The following TNIK variants were observed in gnomAD, a reference collection of about 807,000 sequenced individuals.
The protein encoded by TNIK is TRAF2 and NCK-interacting protein kinase.
Under a neutral mutation model 191.3 loss-of-function variants are expected in TNIK, and 49 were observed. That is an observed-to-expected ratio of 0.26 (90% CI 0.20 to 0.32). TNIK has a LOEUF of 0.32. Ranked by LOEUF, TNIK falls within the 10% of genes least tolerant of loss-of-function variation. TNIK has a pLI of 1.00. For missense variants in TNIK, 1,155 were observed against 1,702.3 expected, an observed-to-expected ratio of 0.68 and a Z score of 5.66; for synonymous variants, 594 against 600.9, an observed-to-expected ratio of 0.99 and a Z score of 0.17.
chr3:171,298,106 T>C lies in TNIK; in HGVS notation c.124-69885A>G, dbSNP rs554323086. Among the ~76,000 whole-genome samples the C allele has an allele frequency of 5.3e-5, 8 of 152,330 alleles. No homozygotes were observed. The East Asian group carries it at 1.5e-3, about 29-fold the overall frequency. On this transcript the variant is annotated intron_variant, in intron 2 of 32. Transcript: ENST00000436636. ...AACACCACTTGGTTTCCATTCAATA[T>C]GAACAAGTACAAAATGATCCTTTGA...
intron 1 of TNIK, among the ~76,000 whole-genome samples, chr3:171,397,834 G>A (rs1368763552): frequency 2.0e-5 from 3 of 152,170 alleles, no homozygotes; most frequent in South Asian, 4.1e-4. Context: ...CAACATACAC[G>A]CTTTTTTTCT....
intron 2 of TNIK, among the ~76,000 whole-genome samples, chr3:171,324,049 G>T (rs573161890): frequency 1.3e-5 from 2 of 150,886 alleles, no homozygotes; most frequent in South Asian, 4.2e-4. Flanking sequence ...AAAACAAAAC[G>T]AAAACACCCT....
At chr3:171,101,423 C>T (rs1459181815) in intron 22 of TNIK, 26 bp downstream of exon 22, 3 of 1,576,438 alleles carry the variant, frequency 1.9e-6, no homozygotes, top group Non-Finnish European at 8.6e-7. Flanking sequence ...CCCTCCCGGT[C>T]TACACTTTAA....
At chr3:171,069,280 C>G (rs1173833374) in intron 29 of TNIK, among the ~76,000 whole-genome samples, 1 of 152,102 alleles carries the variant, frequency 6.6e-6, no homozygotes, top group Non-Finnish European at 1.5e-5. Flanking sequence ...AACCTGGTGC[C>G]TGGGTATTGC....
intron 4 of TNIK, 132 bp downstream of exon 4, chr3:171,210,984 T>A (rs774211859): frequency 3.5e-5 from 39 of 1,127,100 alleles, no homozygotes; most frequent in Non-Finnish European, 4.6e-5. Context: ...GAAAACAATA[T>A]GTTACGGACA....
At chr3:171,125,877 CT>C in intron 17 of TNIK, 34 bp downstream of exon 17, 3 of 1,608,460 alleles carry the variant, frequency 1.9e-6, no homozygotes, top group Non-Finnish European at 2.5e-6. Flanking sequence ...ATCAGTGATG[CT>C]GGTGATTAAA....
intron 7 of TNIK, among the ~76,000 whole-genome samples, chr3:171,183,983 C>A (rs1737050261): frequency 7.2e-6 from 1 of 138,534 alleles, no homozygotes; most frequent in African/African-American, 2.7e-5. Flanking sequence ...AACATAAACA[C>A]AAAACTATCT....
At chr3:171,224,410 C>A (rs541317700) in intron 3 of TNIK, among the ~76,000 whole-genome samples, 1 of 151,988 alleles carries the variant, frequency 6.6e-6, no homozygotes, top group South Asian at 2.1e-4. Flanking sequence ...TGTAAAGGGA[C>A]TACTTTACAC....
chr3:171,395,741 C>T (rs1287573884), intron 1 of TNIK, among the ~76,000 whole-genome samples: 1 of 152,090 alleles, frequency 6.6e-6, no homozygotes, highest in Non-Finnish European at 1.5e-5. Context: ...GCGTGCAGTT[C>T]AAATAATAAT....
At chr3:171,249,140 T>TTAAA (rs1745947004) in intron 2 of TNIK, among the ~76,000 whole-genome samples, 1 of 152,216 alleles carries the variant, frequency 6.6e-6, no homozygotes, top group Non-Finnish European at 1.5e-5. Flanking sequence ...TAAAAGTAAC[T>TTAAA]AGCTATTGAA....
At chr3:171,266,081 G>A (rs1441631293) in intron 2 of TNIK, among the ~76,000 whole-genome samples, 1 of 152,032 alleles carries the variant, frequency 6.6e-6, no homozygotes, top group Non-Finnish European at 1.5e-5. Context: ...TGTCAGGGTT[G>A]AGAGAGGAAA....
At chr3:171,102,857 G>A (rs1358929579) in intron 21 of TNIK, among the ~76,000 whole-genome samples, 2 of 152,174 alleles carry the variant, frequency 1.3e-5, no homozygotes, top group African/African-American at 2.4e-5. Context: ...AAGAAAAGCT[G>A]TGATAAATGT....
At chr3:171,155,638 C>A (rs1733069127) in intron 12 of TNIK, among the ~76,000 whole-genome samples, 1 of 152,200 alleles carries the variant, frequency 6.6e-6, no homozygotes, top group Non-Finnish European at 1.5e-5. Flanking sequence ...AAGCAAATGC[C>A]ACAAGAGAAG....
At chr3:171,293,821 T>G (rs1751959638) in intron 2 of TNIK, among the ~76,000 whole-genome samples, 1 of 152,212 alleles carries the variant, frequency 6.6e-6, no homozygotes, top group South Asian at 2.1e-4. Flanking sequence ...GGCTCACACC[T>G]GTAATCCTAG....
intron 11 of TNIK, among the ~76,000 whole-genome samples, chr3:171,160,682 A>G (rs932058732): frequency 6.6e-6 from 1 of 152,166 alleles, no homozygotes; most frequent in African/African-American, 2.4e-5. Flanking sequence ...GTGGAATTCA[A>G]AATGTAGGCA....
intron 4 of TNIK, among the ~76,000 whole-genome samples, chr3:171,208,852 C>T (rs548317456): frequency 1.2e-4 from 18 of 152,218 alleles, no homozygotes; most frequent in Admixed American, 5.9e-4. Flanking sequence ...GAGCCACCCT[C>T]GCACCCAGCC....
intron 1 of TNIK, among the ~76,000 whole-genome samples, chr3:171,446,247 T>C (rs188536493): frequency 6.6e-6 from 1 of 152,342 alleles, no homozygotes; most frequent in Admixed American, 6.5e-5. Flanking sequence ...TGCAAGTACT[T>C]TGAAGATATA....
chr3:171,123,543 G>A (rs1238805671), intron 18 of TNIK, 53 bp downstream of exon 18: 16 of 1,412,994 alleles, frequency 1.1e-5, no homozygotes, highest in Non-Finnish European at 9.5e-7. Context: ...AAGCAATAAT[G>A]ACAATGGTGG....
intron 2 of TNIK, among the ~76,000 whole-genome samples, chr3:171,302,670 T>C (rs975873434): frequency 6.6e-6 from 1 of 152,228 alleles, no homozygotes; most frequent in Non-Finnish European, 1.5e-5. Flanking sequence ...ATGAATTCAT[T>C]ATATGTTTTA....
Sources: gnomAD v4.1 joint callset for allele counts (sites outside exome capture counted in the v4.1 genomes callset) on GRCh38, gnomAD v4.1.1 for gene constraint, MANE v1.5 for transcripts, NCBI Gene and HGNC (gene_info 2026-07-23, HGNC 2026-07-21) for gene names.